The following ITPR2 variants were observed in gnomAD, a reference collection of about 807,000 sequenced individuals.
ITPR2 encodes inositol 1,4,5-trisphosphate-gated calcium channel ITPR2.
Under a neutral mutation model 317.1 loss-of-function variants are expected in ITPR2, and 207 were observed. That is an observed-to-expected ratio of 0.65 (90% CI 0.58 to 0.73). The LOEUF (loss-of-function observed/expected upper bound fraction) is 0.73. Ranked by LOEUF, ITPR2 falls within the 30% of genes least tolerant of loss-of-function variation. The pLI, the probability that ITPR2 is intolerant of heterozygous loss-of-function variation, is 0.00. For missense variants in ITPR2, 2,613 were observed against 3,284.0 expected (o/e 0.80, Z 4.99); for synonymous variants, 1,156 against 1,149.1 (o/e 1.01, Z -0.12).
At chr12:26,382,936 G>C (rs1939552572) in intron 55 of ITPR2, among the ~76,000 whole-genome samples, 2 of 152,166 alleles carry the variant, frequency 1.3e-5, no homozygotes, top group Admixed American at 6.5e-5. Context: ...AGAAACTGAG[G>C]TGCTATGGCT....
At chr12:26,825,472 A>G (rs546166773) in intron 1 of ITPR2, among the ~76,000 whole-genome samples, 6 of 152,092 alleles carry the variant, frequency 3.9e-5, no homozygotes, top group Non-Finnish European at 8.8e-5. Flanking sequence ...TATTCTGTCT[A>G]TATTCTCTAA....
intron 37 of ITPR2, among the ~76,000 whole-genome samples, chr12:26,503,190 AAC>A (rs57271500): frequency 7.9e-5 from 11 of 139,208 alleles, no homozygotes; most frequent in African/African-American, 2.4e-4. Flanking sequence ...GCCCCCCACC[AAC>A]ACACACACAC....
chr12:26,679,032 G>A lies in ITPR2; in HGVS notation c.1409+2842C>T, dbSNP rs777670487. Among the ~76,000 whole-genome samples the A allele has an allele frequency of 3.9e-5, 6 of 152,304 alleles. No homozygotes were observed. In the East Asian group the frequency reaches 9.6e-4, roughly 24 times the overall value. On this transcript the variant is annotated intron_variant, in intron 13 of 56. Transcript: ENST00000381340. Reference sequence around the variant, plus strand: ...GAAACAAAGAAATAGATTCACAAAAGGAAAAGTTAGATCAATAACAGGCAA... The same window carrying A: ...GAAACAAAGAAATAGATTCACAAAAAGAAAAGTTAGATCAATAACAGGCAA...
chr12:26,700,324 G>A (rs1156814604), intron 9 of ITPR2, among the ~76,000 whole-genome samples: 2 of 152,172 alleles, frequency 1.3e-5, no homozygotes, highest in South Asian at 2.1e-4. Flanking sequence ...AAGGCTGGAG[G>A]GGCCACTGCC....
intron 55 of ITPR2, among the ~76,000 whole-genome samples, chr12:26,369,038 C>T (rs1489980750): frequency 6.6e-6 from 1 of 152,104 alleles, no homozygotes; most frequent in Non-Finnish European, 1.5e-5. Context: ...TGTAAAGGAA[C>T]AAGTAGAGTG....
At chr12:26,677,346 T>C (rs1592028032) in intron 13 of ITPR2, among the ~76,000 whole-genome samples, 1 of 152,330 alleles carries the variant, frequency 6.6e-6, no homozygotes, top group Middle Eastern at 3.4e-3. Context: ...ACGTCTGTAA[T>C]CTCAGCACTT....
In ITPR2 at chr12:26,415,379, G is replaced by A; in HGVS notation, c.7230C>T (p.Ser2410=). 6.2e-7 allele frequency: 1 copy of A among 1,612,660 alleles called. No individual in the cohort carries two copies. Among genetic ancestry groups the A allele is most frequent in the Non-Finnish European group, 8.5e-7 (1 of 1,179,224 alleles). The change falls in exon 51 of 57, where the codon TCC becomes TCT. Residue 2410 remains serine, a synonymous_variant. Transcript: ENST00000381340. The part of the protein sequence containing the change: ...VLALILVYLF[S]IIGFLFLKDD... ...CCTTCAAAAAAAGGAACCCAATAAT[G>A]GAAAACAGGTAGACGAGGATGAGAG...
At chr12:26,579,375 CAT>C (rs1187342847) in intron 33 of ITPR2, among the ~76,000 whole-genome samples, 1 of 152,080 alleles carries the variant, frequency 6.6e-6, no homozygotes, top group African/African-American at 2.4e-5. Context: ...AATGCTACAA[CAT>C]AGAGATATAG....
intron 55 of ITPR2, among the ~76,000 whole-genome samples, chr12:26,368,698 T>C (rs1939093582): frequency 6.6e-6 from 1 of 152,226 alleles, no homozygotes; most frequent in South Asian, 2.1e-4. Flanking sequence ...ACTTATTTCT[T>C]GTTCATTCAT....
chr12:26,613,588 ACGG>A (rs1351801411), intron 26 of ITPR2, among the ~76,000 whole-genome samples: 8 of 146,974 alleles, frequency 5.4e-5, no homozygotes, highest in African/African-American at 2.0e-4. Flanking sequence ...ACACACACAC[ACGG>A]CAAAAAGGAA....
At chr12:26,573,227 C>A (rs1945205351) in intron 34 of ITPR2, among the ~76,000 whole-genome samples, 1 of 152,052 alleles carries the variant, frequency 6.6e-6, no homozygotes, top group African/African-American at 2.4e-5. Flanking sequence ...GGATTGTAGG[C>A]ATGAGCTATC....
intron 37 of ITPR2, among the ~76,000 whole-genome samples, chr12:26,501,104 T>C (rs1943061021): frequency 6.6e-6 from 1 of 152,196 alleles, no homozygotes; most frequent in Non-Finnish European, 1.5e-5. Context: ...ATTTAAGACT[T>C]ATCCTCAAAG....
chr12:26,507,924 G>A (rs1006046682), intron 37 of ITPR2, among the ~76,000 whole-genome samples: 2 of 149,066 alleles, frequency 1.3e-5, no homozygotes, highest in Non-Finnish European at 3.0e-5. Flanking sequence ...TAATATATAC[G>A]TATATCTATT....
chr12:26,477,371 A>G (rs982784935), intron 43 of ITPR2, among the ~76,000 whole-genome samples: 1 of 151,794 alleles, frequency 6.6e-6, no homozygotes, highest in African/African-American at 2.4e-5. Flanking sequence ...GTGAACAGGT[A>G]TCAGTAACAT....
chr12:26,784,621 G>A (rs1174561140), intron 2 of ITPR2, among the ~76,000 whole-genome samples: 1 of 151,758 alleles, frequency 6.6e-6, no homozygotes, highest in African/African-American at 2.4e-5. Flanking sequence ...CGGGATTGCA[G>A]ACGGAGTCTT....
At chr12:26,486,978 G>A in intron 40 of ITPR2, 90 bp downstream of exon 40, 1 of 1,282,534 alleles carries the variant, frequency 7.8e-7, no homozygotes, top group Non-Finnish European at 1.1e-6. Context: ...TAAACCAAGA[G>A]AAGAGAGACG....
intron 26 of ITPR2, among the ~76,000 whole-genome samples, chr12:26,611,574 A>G (rs930820413): frequency 6.6e-6 from 1 of 152,162 alleles, no homozygotes; most frequent in African/African-American, 2.4e-5. Flanking sequence ...AAAAAAAGTA[A>G]AGAAAAAGAA....
chr12:26,550,355 C>A lies in ITPR2; in HGVS notation c.4965G>T (p.Lys1655Asn). Residue 1655 changes from lysine to asparagine, a missense_variant and splice_region_variant, in exon 37 of 57, where the codon AAG becomes AAT. By Grantham distance (94) the Lys-to-Asn change is moderately conservative. Around this residue, in one of 9 missense-constraint regions of ITPR2, gnomAD observed 926 missense variants for 1,072.8 expected, o/e 0.86. Coordinates refer to ENST00000381340, the MANE Select transcript of ITPR2 (RefSeq NM_002223.4). ...TTAGTTTCTTTGTATGATTAATCAA[C>A]CTTAAAGCAAAACATGAGACCTTTA... ...ARIRCGAFMS[K>N]LINHTKKLME... The A allele has an allele frequency of 8.1e-7, 1 of 1,240,682 alleles. No individual in the cohort carries two copies. Among genetic ancestry groups the A allele is most frequent in the Non-Finnish European group, 1.2e-6 (1 of 856,028 alleles). The allele number at this position is 1,240,682 out of a possible 1,614,324, so 76.9% of individuals were successfully genotyped here. A position where few individuals can be genotyped will look rare whatever the true frequency, so the allele number is the denominator to read the frequency against.
At chr12:26,484,584 T>C (rs545359613) in intron 41 of ITPR2, among the ~76,000 whole-genome samples, 1 of 152,296 alleles carries the variant, frequency 6.6e-6, no homozygotes, top group East Asian at 1.9e-4. Flanking sequence ...CATCCAAACA[T>C]TAGAATACTG....
Sources: gnomAD v4.1 joint callset for allele counts (sites outside exome capture counted in the v4.1 genomes callset) on GRCh38, gnomAD v4.1.1 for gene constraint, gnomAD v4.1.1 regional missense constraint, MANE v1.5 for transcripts, NCBI Gene and HGNC (gene_info 2026-07-23, HGNC 2026-07-21) for gene names.